SSTR2: variants seen among roughly 807,000 people sequenced by gnomAD.
SSTR2 encodes somatostatin receptor type 2.
In SSTR2, 10 loss-of-function variants were observed where a neutral mutation model predicts 21.4. The ratio of observed to expected loss-of-function variants is 0.47; its 90% CI spans 0.29 to 0.79. The LOEUF is 0.79. SSTR2 is among the 30% of genes least tolerant of loss of function. The pLI is 0.10. For synonymous variants in SSTR2, 177 were observed against 181.3 expected (o/e 0.98, Z 0.19); for missense variants, 364 against 468.8 (o/e 0.78, Z 2.06).
rs1392110730 is a variant in SSTR2 at position 73,170,783 on chromosome 17, T to C, written c.*354T>C. On this transcript the variant is annotated 3_prime_UTR_variant, in exon 2 of 2. Coordinates refer to ENST00000357585, the MANE Select transcript of SSTR2 (RefSeq NM_001050.3). ...CTCAATATGTAATCTTGTGTTTTTA[T>C]ATGTATACTTGTATATTCCTATTTA... is the stretch of plus-strand genomic sequence containing the variant. 7 of 487,636 alleles carry C rather than the reference T, an allele frequency of 1.4e-5. No individual in the cohort carries two copies. Among genetic ancestry groups the C allele is most frequent in the Non-Finnish European group, 2.9e-5 (7 of 239,496 alleles). 30.2% of individuals were successfully genotyped at this position (487,636 alleles called of 1,614,324 possible).
At position 73,171,873 on chromosome 17, in the gene SSTR2, A is replaced by G. The variant is rs537035026; in HGVS notation, c.*1444A>G. On this transcript the variant is annotated 3_prime_UTR_variant, in exon 2 of 2. Transcript: ENST00000357585. ...GAGGTGGAGGTTGCAGTAAGCTGAG[A>G]TTGTGCCACTGCACTCTAGCCTGAG... 1 of 131,480 alleles carries G rather than the reference A, an allele frequency of 7.6e-6. No individual in the cohort carries two copies. The highest frequency in any genetic ancestry group is 8.8e-5 in the Admixed American group (1 of 11,316). The allele number at this position is 131,480 out of a possible 1,614,324, so 8.1% of individuals were successfully genotyped here. A position where few individuals can be genotyped will look rare whatever the true frequency, so the allele number is the denominator to read the frequency against.
At position 73,170,907 on chromosome 17, in the gene SSTR2, C is replaced by T; in HGVS notation, c.*478C>T. 2.7e-6 allele frequency: 1 copy of T among 374,854 alleles called. No homozygotes were observed. The allele number at this position is 374,854 out of a possible 1,614,324, so 23.2% of individuals were successfully genotyped here. A position where few individuals can be genotyped will look rare whatever the true frequency, so the allele number is the denominator to read the frequency against. On this transcript the variant is annotated 3_prime_UTR_variant, in exon 2 of 2. Coordinates refer to ENST00000357585, the MANE Select transcript of SSTR2 (RefSeq NM_001050.3). ...ATGGACATTTGCCACAACACACTGCCCGCAGAAATGGACTTACCGTGAAGC... is the reference window on the plus strand; with the variant it reads ...ATGGACATTTGCCACAACACACTGCTCGCAGAAATGGACTTACCGTGAAGC...
chr17:73,170,706 G>C lies in SSTR2; in HGVS notation c.*277G>C, dbSNP rs1360922916. 3.2e-6 allele frequency: 2 copies of C among 619,438 alleles called. No homozygotes were observed. Among genetic ancestry groups the C allele is most frequent in the African/African-American group, 3.6e-5 (2 of 54,908 alleles). 38.4% of individuals were successfully genotyped at this position (619,438 alleles called of 1,614,324 possible). On this transcript the variant is annotated 3_prime_UTR_variant, in exon 2 of 2. Coordinates refer to ENST00000357585, the MANE Select transcript of SSTR2 (RefSeq NM_001050.3). Reference sequence around the variant, plus strand: ...GGATCATGCCTGGATATGATCTTTAGAAACAACAAAAATAGAAAAAAATAA... The same window carrying C: ...GGATCATGCCTGGATATGATCTTTACAAACAACAAAAATAGAAAAAAATAA...
At chr17:73,167,764 C>G (rs1455137236) in intron 1 of SSTR2, among the ~76,000 whole-genome samples, 1 of 152,174 alleles carries the variant, frequency 6.6e-6, no homozygotes, top group Non-Finnish European at 1.5e-5. Flanking sequence ...CCTATCTCCC[C>G]TTTTAAATTA....
chr17:73,176,247 A>G lies in SSTR2; in HGVS notation c.*5818A>G, dbSNP rs370652403. ...GATATGTACATTGCTGAGTACGCTGATATCTTTTTCATGGGTATGATTTTT... is the reference window on the plus strand; with the variant it reads ...GATATGTACATTGCTGAGTACGCTGGTATCTTTTTCATGGGTATGATTTTT... On this transcript the variant is annotated 3_prime_UTR_variant, in exon 2 of 2. Transcript: ENST00000357585. The G allele has an allele frequency of 2.0e-5, 3 of 152,128 alleles. No individual in the cohort carries two copies. The highest frequency in any genetic ancestry group is 1.9e-4 in the East Asian group (1 of 5,196). The allele number at this position is 152,128 out of a possible 1,614,324, so 9.4% of individuals were successfully genotyped here. A position where few individuals can be genotyped will look rare whatever the true frequency, so the allele number is the denominator to read the frequency against.
Position 73,171,911 on chromosome 17 carries a change from A to AACT in SSTR2, c.*1483_*1485dup, listed in dbSNP as rs1402335649. 18 of 143,330 alleles carry AACT rather than the reference A, an allele frequency of 1.3e-4. No individual in the cohort carries two copies. The highest frequency in any genetic ancestry group is 4.5e-4 in the African/African-American group (17 of 37,396). 8.9% of individuals were successfully genotyped at this position (143,330 alleles called of 1,614,324 possible). On this transcript the variant is annotated 3_prime_UTR_variant, in exon 2 of 2. Coordinates refer to ENST00000357585, the MANE Select transcript of SSTR2 (RefSeq NM_001050.3). ...ACTCTAGCCTGAGCAACAAGAGCAA[A>AACT]ACTCAGTCTCAAAAAAAAAAAAAAA... is the stretch of plus-strand genomic sequence containing the variant.
Position 73,171,714 on chromosome 17 carries a change from A to G in SSTR2, c.*1285A>G, listed in dbSNP as rs1276028155. The G allele has an allele frequency of 6.3e-6, 1 of 158,086 alleles. No homozygotes were observed. Among genetic ancestry groups the G allele is most frequent in the East Asian group, 1.9e-4 (1 of 5,168 alleles). The allele number at this position is 158,086 out of a possible 1,614,324, so 9.8% of individuals were successfully genotyped here. On this transcript the variant is annotated 3_prime_UTR_variant, in exon 2 of 2. Transcript: ENST00000357585. ...GGTGGGTGGATCACCCGAGGTCAGGAGTTCGAGACCAGCCTGGCCAACATG... is the reference window on the plus strand; with the variant it reads ...GGTGGGTGGATCACCCGAGGTCAGGGGTTCGAGACCAGCCTGGCCAACATG...
chr17:73,175,799 G>A lies in SSTR2; in HGVS notation c.*5370G>A, dbSNP rs944540999. The A allele has an allele frequency of 2.0e-5, 3 of 152,182 alleles. No homozygotes were observed. The highest frequency in any genetic ancestry group is 7.2e-5 in the African/African-American group (3 of 41,446). 9.4% of individuals were successfully genotyped at this position (152,182 alleles called of 1,614,324 possible). ...TTTAGAAAAGCCTGTTAAGGAATATGATGCAAAGCCACCTTCGACGAAATC... is the reference window on the plus strand; with the variant it reads ...TTTAGAAAAGCCTGTTAAGGAATATAATGCAAAGCCACCTTCGACGAAATC... On this transcript the variant is annotated 3_prime_UTR_variant, in exon 2 of 2. Transcript: ENST00000357585.
rs1034009804 is a variant in SSTR2, at chr17:73,171,442, A to G, written c.*1013A>G. ...ATGATTCCTGTGGGGAAACAATTTC[A>G]TTCTCTCCATCGTGAAAATAAGTGA... On this transcript the variant is annotated 3_prime_UTR_variant, in exon 2 of 2. Transcript: ENST00000357585. 6.0e-6 allele frequency: 1 copy of G among 167,064 alleles called. No homozygotes were observed. Among genetic ancestry groups the G allele is most frequent in the African/African-American group, 2.4e-5 (1 of 41,464 alleles). The allele number at this position is 167,064 out of a possible 1,614,324, so 10.3% of individuals were successfully genotyped here. A position where few individuals can be genotyped will look rare whatever the true frequency, so the allele number is the denominator to read the frequency against.
Position 73,170,625 on chromosome 17 carries a change from T to A in SSTR2, c.*196T>A, listed in dbSNP as rs767741888. 6 of 759,220 alleles carry A rather than the reference T, an allele frequency of 7.9e-6. No homozygotes were observed. The highest frequency in any genetic ancestry group is 9.3e-6 in the Non-Finnish European group (4 of 428,306). The allele number at this position is 759,220 out of a possible 1,614,324, so 47.0% of individuals were successfully genotyped here. On this transcript the variant is annotated 3_prime_UTR_variant, in exon 2 of 2. Coordinates refer to ENST00000357585, the MANE Select transcript of SSTR2 (RefSeq NM_001050.3). ...ATGATAATGTGCTAAATTGATTACC[T>A]CCCCCTTAAAGCGAACACTGAAATG...
rs767741888 is a variant in SSTR2, at chr17:73,170,625, T to C, written c.*196T>C. The C allele has an allele frequency of 2.6e-6, 2 of 759,216 alleles. No individual in the cohort carries two copies. The highest frequency in any genetic ancestry group is 2.3e-6 in the Non-Finnish European group (1 of 428,304). The allele number at this position is 759,216 out of a possible 1,614,324, so 47.0% of individuals were successfully genotyped here. A position where few individuals can be genotyped will look rare whatever the true frequency, so the allele number is the denominator to read the frequency against. ...ATGATAATGTGCTAAATTGATTACC[T>C]CCCCCTTAAAGCGAACACTGAAATG... On this transcript the variant is annotated 3_prime_UTR_variant, in exon 2 of 2. Coordinates refer to ENST00000357585, the MANE Select transcript of SSTR2 (RefSeq NM_001050.3).
intron 1 of SSTR2, among the ~76,000 whole-genome samples, chr17:73,165,681 T>C (rs2061213823): frequency 6.6e-6 from 1 of 151,684 alleles, no homozygotes; most frequent in African/African-American, 2.4e-5. Context: ...GGCCGTGAGA[T>C]GCCAGCTGGG....
chr17:73,165,674 C>T (rs543502647), intron 1 of SSTR2, among the ~76,000 whole-genome samples: 28 of 151,928 alleles, frequency 1.8e-4, no homozygotes, highest in African/African-American at 5.8e-4. Context: ...GGAGCGAGGC[C>T]GTGAGATGCC....
At position 73,173,344 on chromosome 17, in the gene SSTR2, C is replaced by T. The variant is rs1038091826; in HGVS notation, c.*2915C>T. ...GACCCAGGCATCTGTGGGTCTTCAT[C>T]AGCAGGATGACCATTCTAAGGCTAA... On this transcript the variant is annotated 3_prime_UTR_variant, in exon 2 of 2. Transcript: ENST00000357585. The T allele has an allele frequency of 6.6e-6, 1 of 152,230 alleles. No homozygotes were observed. The highest frequency in any genetic ancestry group is 2.4e-5 in the African/African-American group (1 of 41,458). The allele number at this position is 152,230 out of a possible 1,614,324, so 9.4% of individuals were successfully genotyped here.
In SSTR2 at chr17:73,170,497, T is replaced by C. The variant is rs2061231528; in HGVS notation, c.*68T>C. On this transcript the variant is annotated 3_prime_UTR_variant, in exon 2 of 2. Coordinates refer to ENST00000357585, the MANE Select transcript of SSTR2 (RefSeq NM_001050.3). ...CTGGCAATGGGCTCCCTACCCACACTGGCTTCCTGCCTCCCACCCCTCACA... is the reference window on the plus strand; with the variant it reads ...CTGGCAATGGGCTCCCTACCCACACCGGCTTCCTGCCTCCCACCCCTCACA... 1 of 1,573,196 alleles carries C rather than the reference T, an allele frequency of 6.4e-7. No homozygotes were observed. Among genetic ancestry groups the C allele is most frequent in the South Asian group, 1.2e-5 (1 of 85,230 alleles).
chr17:73,171,034 AT>A lies in SSTR2; in HGVS notation c.*607del. ...ATGTGGTCATATGTTTTTGTAAAAA[AT>A]TGTGAAAGTAAGATATGTTTGTATT... On this transcript the variant is annotated 3_prime_UTR_variant, in exon 2 of 2. Coordinates refer to ENST00000357585, the MANE Select transcript of SSTR2 (RefSeq NM_001050.3). 1.5e-5 allele frequency: 3 copies of A among 204,522 alleles called. No homozygotes were observed. 12.7% of individuals were successfully genotyped at this position (204,522 alleles called of 1,614,324 possible).
Position 73,169,102 on chromosome 17 carries a change from A to G in SSTR2, c.-92-126A>G. 1.7e-6 allele frequency: 1 copy of G among 583,778 alleles called. No homozygotes were observed. Among genetic ancestry groups the G allele is most frequent in the Middle Eastern group, 4.6e-4 (1 of 2,184 alleles). The allele number at this position is 583,778 out of a possible 1,614,324, so 36.2% of individuals were successfully genotyped here. A position where few individuals can be genotyped will look rare whatever the true frequency, so the allele number is the denominator to read the frequency against. On this transcript the variant is annotated intron_variant, in intron 1 of 1. Coordinates refer to ENST00000357585, the MANE Select transcript of SSTR2 (RefSeq NM_001050.3). The surrounding 1 kb of genome is among the most constrained non-coding windows in gnomAD (Gnocchi z 5.2). ...TGAGGAACTCTAGAGCTTAATGTTG[A>G]TGTGGAAAGATAATACATTTTTCAA... is the stretch of plus-strand genomic sequence containing the variant.
Position 73,169,042 on chromosome 17 carries a change from T to G in SSTR2, c.-92-186T>G, listed in dbSNP as rs1316219004. ...TGGCTGAACCCAAACCCTTCCCTAC[T>G]ATTGGAAAAACAACTCAAAAAGTCT... On this transcript the variant is annotated intron_variant, in intron 1 of 1. Transcript: ENST00000357585. The surrounding 1 kb of genome is among the most constrained non-coding windows in gnomAD (Gnocchi z 5.2). Among the ~76,000 whole-genome samples, 1 of 152,212 alleles carries G rather than the reference T, an allele frequency of 6.6e-6. No homozygotes were observed. The highest frequency in any genetic ancestry group is 2.1e-4 in the South Asian group (1 of 4,832).
rs2061248828 is a variant in SSTR2 at position 73,176,370 on chromosome 17, C to G, written c.*5941C>G. The G allele has an allele frequency of 6.6e-6, 1 of 152,170 alleles. No homozygotes were observed. 9.4% of individuals were successfully genotyped at this position (152,170 alleles called of 1,614,324 possible). On this transcript the variant is annotated 3_prime_UTR_variant, in exon 2 of 2. Coordinates refer to ENST00000357585, the MANE Select transcript of SSTR2 (RefSeq NM_001050.3). ...CTTGAACTGCAGCTCCCATAATCCC[C>G]AGGTGTTGTGGGAGGGACCCAGTGG...
Sources: gnomAD v4.1 joint callset for allele counts (sites outside exome capture counted in the v4.1 genomes callset) on GRCh38, gnomAD v4.1.1 for gene constraint, Gnocchi (gnomAD v3.1) non-coding constraint, MANE v1.5 for transcripts, NCBI Gene and HGNC (gene_info 2026-07-23, HGNC 2026-07-21) for gene names.